PTPRT: variants seen among roughly 807,000 people sequenced by gnomAD.
PTPRT encodes the protein protein tyrosine phosphatase receptor type T, also known as receptor-type tyrosine-protein phosphatase T.
In PTPRT, 56 loss-of-function variants were observed where a neutral mutation model predicts 176.8. That is an observed-to-expected ratio of 0.32 (90% CI 0.26 to 0.40). The LOEUF is 0.40. Ranked by LOEUF, PTPRT falls within the 10% of genes least tolerant of loss-of-function variation. The pLI is 1.00. For missense variants in PTPRT, 1,540 were observed against 1,908.2 expected (o/e 0.81, Z 3.60); for synonymous variants, 783 against 739.0 (o/e 1.06, Z -0.96).
chr20:42,353,727 T>C (rs1287435660), intron 9 of PTPRT, among the ~76,000 whole-genome samples: 4 of 152,188 alleles, frequency 2.6e-5, no homozygotes, highest in Non-Finnish European at 4.4e-5. Flanking sequence ...AGATTTTTTG[T>C]TTGTCTTACC....
At chr20:42,742,039 TCA>T (rs2076618887) in intron 6 of PTPRT, among the ~76,000 whole-genome samples, 1 of 152,128 alleles carries the variant, frequency 6.6e-6, no homozygotes, top group South Asian at 2.1e-4. Context: ...GGCGGTCAGC[TCA>T]CAGAGGTGAG....
At chr20:42,636,081 T>C (rs2145914094) in intron 7 of PTPRT, among the ~76,000 whole-genome samples, 1 of 152,290 alleles carries the variant, frequency 6.6e-6, no homozygotes, top group Non-Finnish European at 1.5e-5. Flanking sequence ...TTGAATAATA[T>C]TAGGCTACAG....
chr20:42,450,945 C>T (rs775843820), intron 8 of PTPRT, among the ~76,000 whole-genome samples: 1 of 152,120 alleles, frequency 6.6e-6, no homozygotes, highest in Non-Finnish European at 1.5e-5. Context: ...AAGCAGAGAA[C>T]AACCTAGAAT....
At chr20:42,490,400 C>T (rs1425692435) in intron 7 of PTPRT, among the ~76,000 whole-genome samples, 1 of 149,808 alleles carries the variant, frequency 6.7e-6, no homozygotes, top group Non-Finnish European at 1.5e-5. Context: ...TCTTTTAACT[C>T]TCTTATTAAA....
chr20:42,281,018 T>C (rs931249824), intron 13 of PTPRT, among the ~76,000 whole-genome samples: 6 of 152,142 alleles, frequency 3.9e-5, no homozygotes, highest in Admixed American at 3.9e-4. Flanking sequence ...CGAGGAGCCA[T>C]AGAGCATACC....
In PTPRT at chr20:42,972,303, A is replaced by G. The variant is rs543631426; in HGVS notation, c.89-86371T>C. ...TTGGAAAGTAATGGCTAGAGAAGAG[A>G]AAGTCAAAGATAAGGCCAGACAGGT... On this transcript the variant is annotated intron_variant, in intron 1 of 30. Coordinates refer to ENST00000373187, the MANE Select transcript of PTPRT (RefSeq NM_007050.6). Among the ~76,000 whole-genome samples, 285 of 151,462 alleles carry G rather than the reference A, an allele frequency of 1.9e-3. 1 individual carries two copies. Among genetic ancestry groups the G allele is most frequent in the African/African-American group, 6.5e-3 (267 of 41,356 alleles).
intron 1 of PTPRT, among the ~76,000 whole-genome samples, chr20:43,178,024 A>G (rs930692619): frequency 1.3e-5 from 2 of 152,216 alleles, no homozygotes; most frequent in African/African-American, 4.8e-5. Context: ...ATACCCAGAA[A>G]AAGTTTATAA....
intron 6 of PTPRT, among the ~76,000 whole-genome samples, chr20:42,718,680 T>C (rs1569108717): frequency 6.6e-6 from 1 of 152,200 alleles, no homozygotes; most frequent in Non-Finnish European, 1.5e-5. Context: ...AAAATAATTC[T>C]AGTAGTCACA....
At chr20:42,756,872 A>G (rs1221681015) in intron 5 of PTPRT, among the ~76,000 whole-genome samples, 2 of 152,050 alleles carry the variant, frequency 1.3e-5, no homozygotes, top group East Asian at 3.9e-4. Flanking sequence ...GTAGCAAGCA[A>G]GACCTTGCCT....
At chr20:42,879,617 C>T (rs1204619620) in intron 2 of PTPRT, among the ~76,000 whole-genome samples, 1 of 152,158 alleles carries the variant, frequency 6.6e-6, no homozygotes. Context: ...TCCCTTTAGA[C>T]ACATGAGCAG....
chr20:42,112,967 A>C (rs1987083382), intron 22 of PTPRT, among the ~76,000 whole-genome samples: 1 of 152,092 alleles, frequency 6.6e-6, no homozygotes, highest in South Asian at 2.1e-4. Flanking sequence ...AGCTCTTCCC[A>C]CCTGTGCTGT....
intron 6 of PTPRT, among the ~76,000 whole-genome samples, chr20:42,718,901 C>A (rs1449422777): frequency 1.3e-5 from 2 of 152,176 alleles, no homozygotes; most frequent in Non-Finnish European, 2.9e-5. Context: ...CAGTTGAGAG[C>A]TGACGAGAGC....
At chr20:42,162,970 C>A (rs1989671110) in intron 16 of PTPRT, among the ~76,000 whole-genome samples, 1 of 152,236 alleles carries the variant, frequency 6.6e-6, no homozygotes, top group South Asian at 2.1e-4. Flanking sequence ...CCCAGTTTGA[C>A]TGACAATTTT....
intron 6 of PTPRT, among the ~76,000 whole-genome samples, chr20:42,742,603 T>C (rs2045008718): frequency 6.6e-6 from 1 of 151,456 alleles, no homozygotes; most frequent in Admixed American, 6.6e-5. Context: ...CCAAAAGGAG[T>C]GTATATCACT....
At chr20:42,451,772 G>A (rs148272043) in intron 8 of PTPRT, among the ~76,000 whole-genome samples, 1 of 152,240 alleles carries the variant, frequency 6.6e-6, no homozygotes, top group East Asian at 1.9e-4. Flanking sequence ...CGTGAGCCAA[G>A]CAAGAGTAAT....
At chr20:42,885,640 T>C (rs1353333985) in intron 2 of PTPRT, among the ~76,000 whole-genome samples, 167 bp downstream of exon 2, 1 of 152,296 alleles carries the variant, frequency 6.6e-6, no homozygotes, top group South Asian at 2.1e-4. Context: ...TCCTGAAGAA[T>C]TCATTCAGCC....
intron 7 of PTPRT, among the ~76,000 whole-genome samples, chr20:42,630,468 C>CCCT (rs2145886859): frequency 6.6e-6 from 1 of 152,234 alleles, no homozygotes; most frequent in South Asian, 2.1e-4. Flanking sequence ...CACACCACCA[C>CCCT]CCTCTCACCA....
chr20:42,276,328 A>G (rs1168819606), intron 13 of PTPRT, among the ~76,000 whole-genome samples: 1 of 150,544 alleles, frequency 6.6e-6, no homozygotes, highest in African/African-American at 2.4e-5. Context: ...CTTTGGATCT[A>G]ACCTGTATCC....
chr20:42,186,381 CA>C (rs1990783292), intron 16 of PTPRT, among the ~76,000 whole-genome samples: 2 of 67,388 alleles, frequency 3.0e-5, no homozygotes, highest in African/African-American at 4.1e-5. Context: ...CTCCTTCTAC[CA>C]CATTCCTTCT....
Sources: gnomAD v4.1 joint callset for allele counts (sites outside exome capture counted in the v4.1 genomes callset) on GRCh38, gnomAD v4.1.1 for gene constraint, MANE v1.5 for transcripts, NCBI Gene and HGNC (gene_info 2026-07-23, HGNC 2026-07-21) for gene names.